The following RNLS variants were observed in gnomAD, a reference collection of about 807,000 sequenced individuals.
RNLS encodes the protein renalase.
Under a neutral mutation model 39.8 loss-of-function variants are expected in RNLS, and 39 were observed. The observed-to-expected ratio is 0.98, with a 90% confidence interval of 0.76 to 1.28. The LOEUF (loss-of-function observed/expected upper bound fraction) is 1.28, where lower values mean the gene tolerates loss of function less well. RNLS is among the 50% of genes most tolerant of loss of function. The pLI is 0.00. For missense variants in RNLS, 410 were observed against 413.3 expected, an observed-to-expected ratio of 0.99 and a Z score of 0.07; for synonymous variants, 147 against 150.7, an observed-to-expected ratio of 0.98 and a Z score of 0.18.
downstream of RNLS, among the ~76,000 whole-genome samples, chr10:88,271,328 G>C (rs1842645075): frequency 6.6e-6 from 1 of 152,172 alleles, no homozygotes; most frequent in Admixed American, 6.5e-5. Flanking sequence ...CTCCTGGTGA[G>C]GACAGCAGTT....
chr10:88,370,600 C>T (rs1850476471), intron 4 of RNLS, among the ~76,000 whole-genome samples: 1 of 152,078 alleles, frequency 6.6e-6, no homozygotes, highest in Non-Finnish European at 1.5e-5. Context: ...ATGGTGAATT[C>T]CAAGAACGTC....
chr10:88,336,229 C>T (rs1179398236), intron 5 of RNLS, among the ~76,000 whole-genome samples: 1 of 152,202 alleles, frequency 6.6e-6, no homozygotes, highest in Admixed American at 6.5e-5. Flanking sequence ...CACCTATTAG[C>T]TTCTTTTCTT....
chr10:88,425,468 GAA>G (rs2133781161), intron 4 of RNLS, among the ~76,000 whole-genome samples: 1 of 152,180 alleles, frequency 6.6e-6, no homozygotes, highest in Admixed American at 6.6e-5. Flanking sequence ...TCTGTACAAT[GAA>G]TCTTCCTATT....
chr10:88,424,581 A>C (rs1220858577), intron 4 of RNLS, among the ~76,000 whole-genome samples: 1 of 152,114 alleles, frequency 6.6e-6, no homozygotes, highest in African/African-American at 2.4e-5. Flanking sequence ...CCAATCATAA[A>C]GTGTTCTATC....
At chr10:88,403,538 T>C (rs1853067981) in intron 4 of RNLS, among the ~76,000 whole-genome samples, 2 of 152,070 alleles carry the variant, frequency 1.3e-5, no homozygotes, top group African/African-American at 2.4e-5. Flanking sequence ...GGATTATAGA[T>C]AAAACAAGGT....
At chr10:88,190,877 AC>A in the RNLS span, among the ~76,000 whole-genome samples, 2 of 152,282 alleles carry the variant, frequency 1.3e-5, no homozygotes, top group African/African-American at 4.8e-5. Context: ...AGCCATCCTC[AC>A]TACATCCTGA....
At chr10:88,233,422 G>A in the RNLS span, among the ~76,000 whole-genome samples, 341 of 152,260 alleles carry the variant, frequency 2.2e-3, no homozygotes, top group African/African-American at 7.1e-3. Context: ...TTGAAATGTC[G>A]TCCAAAGCCA....
At chr10:88,560,282 G>A (rs1158557336) in intron 4 of RNLS, among the ~76,000 whole-genome samples, 1 of 151,896 alleles carries the variant, frequency 6.6e-6, no homozygotes, top group Non-Finnish European at 1.5e-5. Flanking sequence ...TATTGCAACA[G>A]TATTTCTCCC....
intron 5 of RNLS, among the ~76,000 whole-genome samples, chr10:88,325,800 A>G (rs1380049409): frequency 1.3e-5 from 2 of 152,138 alleles, no homozygotes; most frequent in African/African-American, 2.4e-5. Flanking sequence ...TGTAATCCCT[A>G]TAATCCTCAT....
At chr10:88,496,680 A>G (rs1417043197) in intron 4 of RNLS, among the ~76,000 whole-genome samples, 2 of 152,158 alleles carry the variant, frequency 1.3e-5, no homozygotes, top group African/African-American at 4.8e-5. Context: ...CATTCCTTCT[A>G]AAGAACACTT....
At chr10:88,177,534 A>T in the RNLS span, among the ~76,000 whole-genome samples, 2 of 152,104 alleles carry the variant, frequency 1.3e-5, no homozygotes, top group Non-Finnish European at 2.9e-5. Flanking sequence ...ATCTCACTGA[A>T]TTTCCTTAAG....
At chr10:88,232,491 G>C in the RNLS span, among the ~76,000 whole-genome samples, 4 of 151,932 alleles carry the variant, frequency 2.6e-5, no homozygotes, top group Admixed American at 1.3e-4. Flanking sequence ...ATGCTTCCCA[G>C]GCTGAACTCC....
the RNLS span, among the ~76,000 whole-genome samples, chr10:88,200,793 T>A: frequency 1.3e-5 from 2 of 152,086 alleles, no homozygotes; most frequent in African/African-American, 2.4e-5. Flanking sequence ...GTGTGTAGAC[T>A]GCAAGGGTCA....
chr10:88,582,134 A>C (rs903234928), intron 2 of RNLS, 68 bp downstream of exon 2: 1 of 1,236,820 alleles, frequency 8.1e-7, no homozygotes, highest in Non-Finnish European at 1.2e-6. Context: ...AGCTAATCTA[A>C]TCTTCACAAC....
chr10:88,449,780 G>C (rs1350343383), intron 4 of RNLS, among the ~76,000 whole-genome samples: 3 of 152,056 alleles, frequency 2.0e-5, no homozygotes, highest in African/African-American at 4.8e-5. Context: ...TGAGCTTCTA[G>C]TATAGCAAAA....
the RNLS span, among the ~76,000 whole-genome samples, chr10:88,227,097 G>A: frequency 6.6e-6 from 1 of 152,168 alleles, no homozygotes; most frequent in African/African-American, 2.4e-5. Flanking sequence ...GCAGAGTTGA[G>A]TAGTTGCAAG....
At chr10:88,212,111 T>C in the RNLS span, among the ~76,000 whole-genome samples, 1 of 152,222 alleles carries the variant, frequency 6.6e-6, no homozygotes, top group Non-Finnish European at 1.5e-5. Flanking sequence ...TGTCATCTTT[T>C]ATGATGCCTT....
chr10:88,493,356 C>A (rs1436477083), intron 4 of RNLS, among the ~76,000 whole-genome samples: 1 of 151,530 alleles, frequency 6.6e-6, no homozygotes, highest in African/African-American at 2.4e-5. Flanking sequence ...TTGTTTTTCC[C>A]CATCTCATAC....
At chr10:88,428,802 A>T (rs1377490296) in intron 4 of RNLS, among the ~76,000 whole-genome samples, 7 of 151,974 alleles carry the variant, frequency 4.6e-5, no homozygotes, top group Admixed American at 3.3e-4. Flanking sequence ...CACCATGGGC[A>T]TTTGGTAGTC....
Sources: allele counts gnomAD v4.1 joint callset (sites outside exome capture counted in the v4.1 genomes callset), GRCh38; gene constraint gnomAD v4.1.1; transcripts MANE v1.5; gene names NCBI Gene and HGNC (gene_info 2026-07-23, HGNC 2026-07-21).